Variants in SPON1 observed in about 807,000 individuals in gnomAD.
SPON1 encodes the protein spondin 1.
A neutral mutation model predicts 111.7 loss-of-function variants in SPON1; 52 were observed. The observed-to-expected ratio is 0.47, with a 90% CI of 0.37 to 0.59. The LOEUF is 0.59. Among genes scored for constraint, SPON1 ranks in the 20% least tolerant of loss-of-function variants. The pLI, the probability that SPON1 is intolerant of heterozygous loss-of-function variation, is 0.00. For missense variants in SPON1, 957 were observed against 1,068.5 expected, an observed-to-expected ratio of 0.90 and a Z score of 1.46; for synonymous variants, 410 against 395.8, an observed-to-expected ratio of 1.04 and a Z score of -0.43.
At chr11:14,251,636 A>G (rs781101165) in intron 7 of SPON1, among the ~76,000 whole-genome samples, 1 of 152,214 alleles carries the variant, frequency 6.6e-6, no homozygotes, top group Non-Finnish European at 1.5e-5. Flanking sequence ...CAGGAAGGCA[A>G]TAGATGGAGC....
intron 3 of SPON1, among the ~76,000 whole-genome samples, chr11:14,070,269 C>A (rs1182903652): frequency 2.0e-5 from 3 of 152,056 alleles, no homozygotes; most frequent in Admixed American, 6.6e-5. Context: ...TAAAGTATTT[C>A]AAGAAATATT....
chr11:14,204,163 A>G (rs1246724659), intron 6 of SPON1, among the ~76,000 whole-genome samples: 1 of 152,226 alleles, frequency 6.6e-6, no homozygotes. Context: ...TAGCTTTCAA[A>G]TTGCTCCATG....
intron 6 of SPON1, among the ~76,000 whole-genome samples, chr11:14,206,895 C>A (rs879966520): frequency 2.0e-5 from 3 of 152,120 alleles, no homozygotes; most frequent in Admixed American, 2.0e-4. Context: ...TTTTAAAATT[C>A]ATGTGAAACC....
chr11:14,095,169 A>C (rs1849088972), intron 5 of SPON1, among the ~76,000 whole-genome samples: 1 of 152,192 alleles, frequency 6.6e-6, no homozygotes, highest in Non-Finnish European at 1.5e-5. Flanking sequence ...GGATTGCACT[A>C]AGTCTCAAAA....
intron 2 of SPON1, among the ~76,000 whole-genome samples, chr11:14,038,347 T>C (rs1045972166): frequency 2.6e-5 from 4 of 151,864 alleles, no homozygotes; most frequent in Non-Finnish European, 4.4e-5. Context: ...TGGGCACCTG[T>C]AATCCTAGCT....
At chr11:14,111,186 T>G (rs1220456764) in intron 5 of SPON1, among the ~76,000 whole-genome samples, 1 of 152,340 alleles carries the variant, frequency 6.6e-6, no homozygotes, top group East Asian at 1.9e-4. Context: ...CCCTCAACCC[T>G]TGGGCAGCAA....
At chr11:14,224,965 T>C (rs1000719112) in intron 6 of SPON1, among the ~76,000 whole-genome samples, 1 of 152,188 alleles carries the variant, frequency 6.6e-6, no homozygotes, top group East Asian at 1.9e-4. Context: ...CTTGCACTAA[T>C]GTAAAGACAG....
At chr11:14,092,728 G>C (rs1554923535) in intron 5 of SPON1, among the ~76,000 whole-genome samples, 1 of 152,122 alleles carries the variant, frequency 6.6e-6, no homozygotes, top group African/African-American at 2.4e-5. Flanking sequence ...TCTGGAAATA[G>C]TGAAATCCTT....
At chr11:14,190,483 CTTCCTTCCTTCT>C (rs2133891430) in intron 6 of SPON1, among the ~76,000 whole-genome samples, 1 of 151,732 alleles carries the variant, frequency 6.6e-6, no homozygotes, top group East Asian at 1.9e-4. Flanking sequence ...TTCTTCCTTC[CTTCCTTCCTTCT>C]TTACTTCCTT....
rs782508255 is a variant in SPON1, at chr11:14,135,478, G to A, written c.735G>A (p.Leu245=). 1 of 1,613,936 alleles carries A rather than the reference G, an allele frequency of 6.2e-7. No individual in the cohort carries two copies. The highest frequency in any genetic ancestry group is 8.5e-7 in the Non-Finnish European group (1 of 1,179,818). Residue 245 remains leucine, a synonymous_variant, in exon 6 of 16, where the codon CTG becomes CTA. Transcript: ENST00000576479. This position sits in a 1 kb window ranked among gnomAD's most constrained non-coding sequence, Gnocchi z 4.4. ...IGGSHSKNYV[L]WEYGGYASEG... The stretch of plus-strand genomic sequence containing the variant: ...GATCCCACTCCAAGAATTATGTACT[G>A]TGGGAATATGGAGGATATGCCAGCG...
intron 6 of SPON1, among the ~76,000 whole-genome samples, chr11:14,232,046 A>C (rs998816812): frequency 1.3e-5 from 2 of 151,722 alleles, no homozygotes; most frequent in Non-Finnish European, 1.5e-5. Context: ...TAAAGACCTT[A>C]TTTCAGTATG....
chr11:14,186,673 C>T (rs1031374966), intron 6 of SPON1, among the ~76,000 whole-genome samples: 2 of 152,230 alleles, frequency 1.3e-5, no homozygotes, highest in Non-Finnish European at 2.9e-5. Flanking sequence ...GGCTCATCTT[C>T]ATACCTAATC....
At chr11:14,040,455 TAAGTA>T (rs1218794076) in intron 2 of SPON1, among the ~76,000 whole-genome samples, 1 of 152,056 alleles carries the variant, frequency 6.6e-6, no homozygotes, top group Non-Finnish European at 1.5e-5. Context: ...GAGTGAATGC[TAAGTA>T]GAGGAGGAAA....
At position 14,160,679 on chromosome 11, in the gene SPON1, T is replaced by TTA. The variant is rs1214332844; in HGVS notation, c.825+25121_825+25122dup. On this transcript the variant is annotated intron_variant, in intron 6 of 15. Coordinates refer to ENST00000576479, the MANE Select transcript of SPON1 (RefSeq NM_006108.4). ...TATTTATATATATATTTACATATAT[T>TTA]TATATATATATTTATATATTTATAT... 3.6e-4 allele frequency among the ~76,000 whole-genome samples: 4 copies of TTA among 11,016 alleles called. 1 individual carries two copies. The highest frequency in any genetic ancestry group is 3.5e-3 in the East Asian group (1 of 288). 7.2% of individuals were successfully genotyped at this position (11,016 alleles called of 152,430 possible).
At chr11:14,192,451 A>G (rs1258195842) in intron 6 of SPON1, among the ~76,000 whole-genome samples, 1 of 152,162 alleles carries the variant, frequency 6.6e-6, no homozygotes, top group Non-Finnish European at 1.5e-5. Flanking sequence ...AAAAGTAGAG[A>G]TATATTTGCC....
chr11:14,108,868 T>C (rs1220002850), intron 5 of SPON1, among the ~76,000 whole-genome samples: 1 of 152,104 alleles, frequency 6.6e-6, no homozygotes, highest in Non-Finnish European at 1.5e-5. Flanking sequence ...CCTCTTTGCC[T>C]ACCACCCAAC....
At chr11:14,052,313 C>A (rs1211554346) in intron 3 of SPON1, among the ~76,000 whole-genome samples, 1 of 152,196 alleles carries the variant, frequency 6.6e-6, no homozygotes, top group South Asian at 2.1e-4. Flanking sequence ...CTCTTTTTAT[C>A]TTCAAAGAAA....
intron 5 of SPON1, among the ~76,000 whole-genome samples, chr11:14,101,894 A>G (rs1849146719): frequency 6.6e-6 from 1 of 152,224 alleles, no homozygotes; most frequent in Non-Finnish European, 1.5e-5. Context: ...AGTTGCAAGA[A>G]TAGCACACAG....
intron 4 of SPON1, among the ~76,000 whole-genome samples, chr11:14,077,573 C>T (rs1201687861): frequency 1.3e-5 from 2 of 151,940 alleles, no homozygotes. Flanking sequence ...GTTGGGATTA[C>T]AGGAACACAC....
Sources: gnomAD v4.1 joint callset for allele counts (sites outside exome capture counted in the v4.1 genomes callset) on GRCh38, gnomAD v4.1.1 for gene constraint, Gnocchi (gnomAD v3.1) non-coding constraint, MANE v1.5 for transcripts, NCBI Gene and HGNC (gene_info 2026-07-23, HGNC 2026-07-21) for gene names.